DNAH5: variants seen among roughly 807,000 people sequenced by gnomAD.
The protein encoded by DNAH5 is dynein axonemal heavy chain 5, also known as axonemal beta dynein heavy chain 5.
In DNAH5, 372 loss-of-function variants were observed where a neutral mutation model predicts 518.2. That is an observed-to-expected ratio of 0.72 (90% CI 0.66 to 0.78). The LOEUF (loss-of-function observed/expected upper bound fraction) is 0.78, where lower values mean the gene tolerates loss of function less well. Among genes scored for constraint, DNAH5 ranks in the 30% least tolerant of loss-of-function variants. The probability of loss-of-function intolerance (pLI) is 0.00; values close to 1 mark genes in which losing one functional copy is unlikely to be tolerated. For missense variants in DNAH5, 5,523 were observed against 5,687.0 expected (o/e 0.97, Z 0.93); for synonymous variants, 2,039 against 2,025.9 (o/e 1.01, Z -0.17).
chr5:13,930,991 G>T, intron 2 of DNAH5, 119 bp downstream of exon 2: 1 of 1,478,176 alleles, frequency 6.8e-7, no homozygotes. Flanking sequence ...ATGGAGCCCT[G>T]TCCACGTTAA....
At chr5:13,933,254 T>C (rs1281881743) in intron 1 of DNAH5, among the ~76,000 whole-genome samples, 2 of 152,232 alleles carry the variant, frequency 1.3e-5, no homozygotes, top group African/African-American at 4.8e-5. Context: ...AACAATGTGG[T>C]ACCTGTTGGA....
At chr5:13,990,190 G>A (rs781494504) in intron 1 of DNAH5, among the ~76,000 whole-genome samples, 2 of 151,854 alleles carry the variant, frequency 1.3e-5, no homozygotes, top group Non-Finnish European at 2.9e-5. Flanking sequence ...GAAGAGAGGG[G>A]GCAGGGATGG....
intron 56 of DNAH5, 150 bp downstream of exon 56, chr5:13,770,599 A>G (rs538652560): frequency 4.2e-6 from 3 of 715,338 alleles, no homozygotes; most frequent in South Asian, 3.1e-5. Context: ...TCTACCCACT[A>G]CATGCCAGCA....
At chr5:13,849,392 T>G (rs1196374803) in intron 31 of DNAH5, among the ~76,000 whole-genome samples, 1 of 152,254 alleles carries the variant, frequency 6.6e-6, no homozygotes, top group Non-Finnish European at 1.5e-5. Flanking sequence ...AGGCTCATGT[T>G]TGACTCATGC....
At position 13,876,820 on chromosome 5, in the gene DNAH5, A is replaced by G; in HGVS notation, c.3263-3T>C. 1.2e-6 allele frequency: 2 copies of G among 1,612,934 alleles called. No homozygotes were observed. Among genetic ancestry groups the G allele is most frequent in the Non-Finnish European group, 8.5e-7 (1 of 1,179,424 alleles). ...TACAGATGCTATCTCCAAGGTATCT[A>G]AAAAGAAAAAAAGAAGAGAAAACTT... On this transcript the variant is annotated splice_region_variant and splice_polypyrimidine_tract_variant and intron_variant, in intron 21 of 78. Transcript: ENST00000265104.
intron 58 of DNAH5, among the ~76,000 whole-genome samples, chr5:13,768,053 A>G (rs983764035): frequency 6.6e-6 from 1 of 152,202 alleles, no homozygotes; most frequent in Non-Finnish European, 1.5e-5. Flanking sequence ...CTAGTTCACT[A>G]AACTCATTTC....
intron 35 of DNAH5, among the ~76,000 whole-genome samples, chr5:13,835,778 G>A (rs990718273): frequency 1.3e-5 from 2 of 152,016 alleles, no homozygotes; most frequent in African/African-American, 4.8e-5. Context: ...TCTCTGTACT[G>A]GGGAGCTTTT....
chr5:13,827,533 G>A (rs1380168016), intron 38 of DNAH5, among the ~76,000 whole-genome samples: 1 of 70,944 alleles, frequency 1.4e-5, no homozygotes, highest in Non-Finnish European at 2.9e-5. Flanking sequence ...ACTTGCTTTT[G>A]ATTTTACAGG....
intron 50 of DNAH5, among the ~76,000 whole-genome samples, chr5:13,789,684 A>G (rs1756640504): frequency 6.6e-6 from 1 of 152,234 alleles, no homozygotes; most frequent in South Asian, 2.1e-4. Flanking sequence ...ACAAAAGTTT[A>G]TGATAACATC....
At chr5:13,772,795 T>C (rs566440946) in intron 55 of DNAH5, among the ~76,000 whole-genome samples, 14 of 152,292 alleles carry the variant, frequency 9.2e-5, no homozygotes, top group African/African-American at 3.4e-4. Context: ...ATTGGAAATA[T>C]TTCTTATGAT....
At chr5:13,817,821 G>C in intron 41 of DNAH5, 127 bp from the exon 42 acceptor site, 2 of 807,222 alleles carry the variant, frequency 2.5e-6, no homozygotes, top group Non-Finnish European at 4.0e-6. Context: ...GAACTACATT[G>C]AAAATATGTC....
chr5:13,843,318 C>T (rs1186670224), intron 32 of DNAH5, among the ~76,000 whole-genome samples: 3 of 152,146 alleles, frequency 2.0e-5, no homozygotes, highest in Non-Finnish European at 2.9e-5. Context: ...CACTGCCCTG[C>T]TTAAACACCT....
chr5:13,899,629 A>T (rs1774320822), intron 15 of DNAH5: 2 of 152,894 alleles, frequency 1.3e-5, no homozygotes, highest in Non-Finnish European at 2.9e-5. Flanking sequence ...TTGAACTTAC[A>T]GTCAGGGCCC....
At position 13,867,841 on chromosome 5, in the gene DNAH5, T is replaced by G; in HGVS notation, c.3986A>C (p.Lys1329Thr). ...KLVSLQPSFK[K>T]ELISAVEVFL... The stretch of plus-strand genomic sequence containing the variant: ...TACCTCCACAGCACTAATAAGCTCT[T>G]TCTTGAAACTGGGCTGCAGTGAGAC... Residue 1329 changes from lysine (K) to threonine (T), a missense_variant, in exon 25 of 79, where the codon AAA becomes ACA. By Grantham distance (78) the Lys-to-Thr change is moderately conservative. Transcript: ENST00000265104. 1 of 1,614,052 alleles carries G rather than the reference T, an allele frequency of 6.2e-7. No homozygotes were observed. Among genetic ancestry groups the G allele is most frequent in the East Asian group, 2.2e-5 (1 of 44,876 alleles).
chr5:13,737,258 T>C lies in DNAH5; in HGVS notation c.11449A>G (p.Arg3817Gly), dbSNP rs1276594050. The C allele has an allele frequency of 2.5e-6, 4 of 1,614,126 alleles. No individual in the cohort carries two copies. The highest frequency in any genetic ancestry group is 3.4e-6 in the Non-Finnish European group (4 of 1,179,984). ...CTTTCATTACCAAACTCACCAGGTC[T>C]GTATTCCTCCCGGGCTGAGTTAATT... ...VQINSAREEY[R>G]PVATRGSILY... The change falls in exon 66 of 79, where the codon AGA (arginine) becomes GGA (glycine). Residue 3817 changes from arginine to glycine, a missense_variant. Physicochemically the swap from Arg to Gly is moderately radical, Grantham distance 125. This residue lies in a region of DNAH5 where 5,121 missense variants were observed against 5,223.3 expected (regional missense o/e 0.98). Transcript: ENST00000265104.
intron 47 of DNAH5, among the ~76,000 whole-genome samples, chr5:13,803,919 T>A (rs1018716956): frequency 3.3e-5 from 5 of 152,202 alleles, no homozygotes; most frequent in African/African-American, 7.2e-5. Flanking sequence ...TCTTATTTTT[T>A]AAAAAATAAA....
upstream of DNAH5, among the ~76,000 whole-genome samples, chr5:13,947,133 T>C (rs1489154299): frequency 1.3e-5 from 2 of 152,224 alleles, no homozygotes; most frequent in African/African-American, 2.4e-5. Context: ...TATAAATAAA[T>C]GTATAATGAC....
At chr5:13,745,611 G>C (rs1418190102) in intron 65 of DNAH5, among the ~76,000 whole-genome samples, 1 of 151,974 alleles carries the variant, frequency 6.6e-6, no homozygotes, top group Non-Finnish European at 1.5e-5. Context: ...TGGAGTCAAA[G>C]ATTTGTCTTT....
rs1371282300 is a variant in DNAH5 at position 13,716,512 on chromosome 5, A to C, written c.12884T>G (p.Val4295Gly). 18 of 1,613,686 alleles carry C rather than the reference A, an allele frequency of 1.1e-5. No individual in the cohort carries two copies. The highest frequency in any genetic ancestry group is 1.5e-5 in the Non-Finnish European group (18 of 1,179,744). The change falls in exon 74 of 79, where the codon GTG becomes GGG. Residue 4295 changes from valine (V) to glycine (G), a missense_variant. Val to Gly is a moderately radical substitution (Grantham distance 109). This residue lies in a region of DNAH5 where 387 missense variants were observed against 430.0 expected (regional missense o/e 0.90). Transcript: ENST00000265104. Reference sequence around the variant, plus strand: ...CTGGATATACTGAAGATAGTTATCCACTGTGCTGCATTTTGGAATATTGTA... The same window carrying C: ...CTGGATATACTGAAGATAGTTATCCCCTGTGCTGCATTTTGGAATATTGTA... ...QGYNIPKCSTVDNYLQYIQSL... is the reference protein window; with the variant it reads ...QGYNIPKCSTGDNYLQYIQSL...
Sources: allele counts gnomAD v4.1 joint callset (sites outside exome capture counted in the v4.1 genomes callset), GRCh38; gene constraint gnomAD v4.1.1; regional missense constraint gnomAD v4.1.1; transcripts MANE v1.5; gene names NCBI Gene and HGNC (gene_info 2026-07-23, HGNC 2026-07-21).